The following STARD13 variants were observed in gnomAD, a reference collection of about 807,000 sequenced individuals.
The protein encoded by STARD13 is StAR related lipid transfer domain containing 13, also known as stAR-related lipid transfer protein 13.
In STARD13, 62 loss-of-function variants were observed where a neutral mutation model predicts 106.4. That is an observed-to-expected ratio of 0.58 (90% CI 0.48 to 0.72). The LOEUF is 0.72. STARD13 is among the 30% of genes least tolerant of loss of function. STARD13 has a pLI of 0.00. For missense variants in STARD13, 1,387 were observed against 1,424.0 expected (o/e 0.97, Z 0.42); for synonymous variants, 565 against 553.0 (o/e 1.02, Z -0.31).
At chr13:33,356,613 C>T in the STARD13 span, among the ~76,000 whole-genome samples, 1 of 152,202 alleles carries the variant, frequency 6.6e-6, no homozygotes, top group Admixed American at 6.5e-5. Flanking sequence ...AATAATGCTT[C>T]CCTCATAGGA....
chr13:33,110,749 C>T lies in STARD13; in HGVS notation c.2766G>A (p.Lys922=), dbSNP rs1373023497. 6.2e-7 allele frequency: 1 copy of T among 1,614,244 alleles called. No individual in the cohort carries two copies. The highest frequency in any genetic ancestry group is 1.7e-5 in the Admixed American group (1 of 60,036). ...HLIQGLQKEA[K]EKFKGWVTCS... is the part of the protein sequence containing the mutation. ...ACGTGACCCATCCTTTGAACTTCTC[C>T]TTGGCTTCTTTCTGGAGGCCCTGGA... Residue 922 remains lysine, a synonymous_variant, in exon 11 of 14, where the codon AAG becomes AAA. Coordinates refer to ENST00000336934, the MANE Select transcript of STARD13 (RefSeq NM_178006.4).
chr13:33,636,154 A>AG, the STARD13 span, among the ~76,000 whole-genome samples: 2 of 151,624 alleles, frequency 1.3e-5, no homozygotes, highest in African/African-American at 4.8e-5. Context: ...AAAAAAAAAA[A>AG]AAAAAAAGCA....
intron 1 of STARD13, among the ~76,000 whole-genome samples, chr13:33,293,927 A>T (rs1222320888): frequency 6.6e-6 from 1 of 152,172 alleles, no homozygotes; most frequent in Non-Finnish European, 1.5e-5. Context: ...AATACTTAAT[A>T]AATTTCCCTT....
At chr13:33,344,432 T>C (rs193118729), downstream of STARD13, among the ~76,000 whole-genome samples, 7 of 152,320 alleles carry the variant, frequency 4.6e-5, no homozygotes, top group African/African-American at 1.7e-4. Context: ...AAAACGGATA[T>C]AAAATACATG....
At chr13:33,134,084 C>T (rs191931876) in intron 4 of STARD13, among the ~76,000 whole-genome samples, 24 of 152,294 alleles carry the variant, frequency 1.6e-4, no homozygotes, top group East Asian at 5.8e-4. Flanking sequence ...AAACCATGGA[C>T]GTACCAGGGA....
chr13:33,503,270 C>T, the STARD13 span, among the ~76,000 whole-genome samples: 1 of 152,084 alleles, frequency 6.6e-6, no homozygotes, highest in South Asian at 2.1e-4. Flanking sequence ...ATTCTTCTCT[C>T]TTTTCTTCTT....
the STARD13 span, among the ~76,000 whole-genome samples, chr13:33,547,723 C>T: frequency 5.4e-4 from 83 of 152,298 alleles, 1 homozygote; most frequent in East Asian, 0.016. Flanking sequence ...GACTATATCA[C>T]AGTGCACTGG....
At chr13:33,389,030 A>G in the STARD13 span, among the ~76,000 whole-genome samples, 4 of 146,646 alleles carry the variant, frequency 2.7e-5, no homozygotes, top group African/African-American at 1.0e-4. Flanking sequence ...ACCTTGGCTC[A>G]CTGCAACCTC....
the STARD13 span, among the ~76,000 whole-genome samples, chr13:33,481,008 G>C: frequency 6.6e-6 from 1 of 151,812 alleles, no homozygotes; most frequent in Non-Finnish European, 1.5e-5. Context: ...CATATTACCA[G>C]TAATGGCTTA....
the STARD13 span, among the ~76,000 whole-genome samples, chr13:33,629,401 T>C: frequency 6.6e-6 from 1 of 152,238 alleles, no homozygotes; most frequent in African/African-American, 2.4e-5. Context: ...TGTTGTCTTG[T>C]TTAGAAGTGA....
At chr13:33,672,300 G>C in the STARD13 span, among the ~76,000 whole-genome samples, 39 of 152,254 alleles carry the variant, frequency 2.6e-4, no homozygotes, top group African/African-American at 9.4e-4. Context: ...TCACTCATAA[G>C]TGGGAGCTGA....
chr13:33,384,451 T>C, the STARD13 span, among the ~76,000 whole-genome samples: 27 of 152,348 alleles, frequency 1.8e-4, no homozygotes, highest in East Asian at 5.2e-3. Context: ...GAGTACTCTG[T>C]GTCCACTGGC....
intron 1 of STARD13, among the ~76,000 whole-genome samples, chr13:33,213,489 T>G (rs1021057616): frequency 2.6e-5 from 4 of 152,224 alleles, no homozygotes; most frequent in Admixed American, 2.6e-4. Context: ...CCTACAAGTC[T>G]GATGTTCCAG....
chr13:33,134,594 T>A (rs893369014), intron 4 of STARD13, among the ~76,000 whole-genome samples: 3 of 152,218 alleles, frequency 2.0e-5, no homozygotes, highest in African/African-American at 7.2e-5. Flanking sequence ...GACTCAGTTT[T>A]CAGAGTTAGA....
chr13:33,654,493 G>A, the STARD13 span, among the ~76,000 whole-genome samples: 2 of 152,116 alleles, frequency 1.3e-5, no homozygotes, highest in Non-Finnish European at 2.9e-5. Flanking sequence ...GACTGCTAAT[G>A]GGGGCAGGCA....
intron 1 of STARD13, among the ~76,000 whole-genome samples, chr13:33,217,461 G>A (rs1215619252): frequency 1.3e-5 from 2 of 152,192 alleles, no homozygotes; most frequent in African/African-American, 4.8e-5. Context: ...ATGTCAGACT[G>A]AGAGCATTTA....
intron 1 of STARD13, among the ~76,000 whole-genome samples, chr13:33,291,996 T>A (rs9315207): frequency 0.16 from 23,864 of 152,206 alleles, 2,372 homozygotes; most frequent in Non-Finnish European, 0.22. Context: ...TCCAGCTATT[T>A]ATTTCTGCCT....
intron 1 of STARD13, among the ~76,000 whole-genome samples, chr13:33,247,636 T>C (rs956990085): frequency 6.6e-6 from 1 of 152,196 alleles, no homozygotes; most frequent in Admixed American, 6.5e-5. Context: ...ATCAAATATA[T>C]TACATATCTA....
chr13:33,510,410 A>C, the STARD13 span, among the ~76,000 whole-genome samples: 9 of 152,168 alleles, frequency 5.9e-5, no homozygotes, highest in African/African-American at 2.2e-4. Flanking sequence ...AATGAGAGAC[A>C]TAGTTAACCT....
Sources: gnomAD v4.1 joint callset for allele counts (sites outside exome capture counted in the v4.1 genomes callset) on GRCh38, gnomAD v4.1.1 for gene constraint, MANE v1.5 for transcripts, NCBI Gene and HGNC (gene_info 2026-07-23, HGNC 2026-07-21) for gene names.